The following SPOCK3 variants were observed in gnomAD, a reference collection of about 807,000 sequenced individuals.
SPOCK3 encodes SPARC (osteonectin), cwcv and kazal like domains proteoglycan 3.
A neutral mutation model predicts 56.6 loss-of-function variants in SPOCK3; 30 were observed. The observed-to-expected ratio is 0.53, with a 90% CI of 0.40 to 0.72. The LOEUF is 0.72. Ranked by LOEUF, SPOCK3 falls within the 30% of genes least tolerant of loss-of-function variation. The probability of loss-of-function intolerance (pLI) is 0.00; values close to 1 mark genes in which losing one functional copy is unlikely to be tolerated. For missense variants in SPOCK3, 527 were observed against 530.0 expected (o/e 0.99, Z 0.06); for synonymous variants, 196 against 183.3 (o/e 1.07, Z -0.56).
intron 6 of SPOCK3, among the ~76,000 whole-genome samples, chr4:166,853,767 A>G (rs1015449955): frequency 6.6e-6 from 1 of 152,084 alleles, no homozygotes; most frequent in African/African-American, 2.4e-5. Flanking sequence ...CTGTAATCTC[A>G]GCTACTTGAG....
chr4:166,870,873 C>A (rs1275637295), intron 6 of SPOCK3, among the ~76,000 whole-genome samples: 1 of 151,902 alleles, frequency 6.6e-6, no homozygotes, highest in African/African-American at 2.4e-5. Flanking sequence ...GGGGATGGTA[C>A]CCCCATGCTC....
chr4:167,012,095 T>C (rs558007208), intron 3 of SPOCK3, among the ~76,000 whole-genome samples: 40 of 152,098 alleles, frequency 2.6e-4, no homozygotes, highest in South Asian at 8.3e-4. Context: ...TCTATTCAAA[T>C]TGATTTTTCC....
chr4:166,887,074 T>C (rs1412205399), intron 6 of SPOCK3, among the ~76,000 whole-genome samples: 2 of 152,192 alleles, frequency 1.3e-5, no homozygotes, highest in African/African-American at 4.8e-5. Context: ...AGTTTCTTTC[T>C]TGATATATTA....
chr4:167,205,504 T>A (rs1326892331), intron 2 of SPOCK3, among the ~76,000 whole-genome samples: 12 of 56,336 alleles, frequency 2.1e-4, no homozygotes, highest in South Asian at 8.4e-4. Flanking sequence ...ATAATATATA[T>A]TATATAATAT....
At chr4:167,012,305 T>G (rs1426167168) in intron 3 of SPOCK3, among the ~76,000 whole-genome samples, 3 of 150,722 alleles carry the variant, frequency 2.0e-5, no homozygotes, top group Admixed American at 6.6e-5. Context: ...TCATATGAGC[T>G]GGAAAAAAAA....
At chr4:166,782,956 G>C (rs558888304) in intron 7 of SPOCK3, among the ~76,000 whole-genome samples, 2 of 152,186 alleles carry the variant, frequency 1.3e-5, no homozygotes, top group Non-Finnish European at 2.9e-5. Context: ...GTGTTAAAAG[G>C]TTAAAATAAA....
intron 3 of SPOCK3, among the ~76,000 whole-genome samples, chr4:167,042,564 C>T (rs998173894): frequency 2.6e-5 from 4 of 152,008 alleles, no homozygotes; most frequent in Non-Finnish European, 4.4e-5. Flanking sequence ...GTAGACTGAT[C>T]AGAAAACTCT....
At chr4:166,791,470 A>G (rs1033857863) in intron 7 of SPOCK3, among the ~76,000 whole-genome samples, 2 of 152,162 alleles carry the variant, frequency 1.3e-5, no homozygotes, top group African/African-American at 4.8e-5. Flanking sequence ...ACATGCTTCA[A>G]TCTTTGAAAG....
At chr4:167,006,370 T>C (rs888562400) in intron 3 of SPOCK3, among the ~76,000 whole-genome samples, 2 of 152,102 alleles carry the variant, frequency 1.3e-5, no homozygotes, top group African/African-American at 4.8e-5. Flanking sequence ...GACCTTTATA[T>C]TCTCTATAAC....
At chr4:166,789,795 G>T (rs1316665083) in intron 7 of SPOCK3, among the ~76,000 whole-genome samples, 1 of 152,134 alleles carries the variant, frequency 6.6e-6, no homozygotes. Flanking sequence ...TGCTATTAGG[G>T]ATGCAGGGAA....
chr4:166,971,295 A>G (rs1042017791), intron 4 of SPOCK3, among the ~76,000 whole-genome samples: 2 of 152,142 alleles, frequency 1.3e-5, no homozygotes, highest in South Asian at 2.1e-4. Flanking sequence ...AATGTGTCAC[A>G]TATATTTTTG....
chr4:167,048,771 G>C (rs1228832810), intron 3 of SPOCK3, among the ~76,000 whole-genome samples: 1 of 152,078 alleles, frequency 6.6e-6, no homozygotes, highest in East Asian at 1.9e-4. Flanking sequence ...AGCAGTCATA[G>C]TATATTTATT....
chr4:166,754,832 G>A lies in SPOCK3; in HGVS notation c.710-103C>T, dbSNP rs1345158061. 6 of 974,506 alleles carry A rather than the reference G, an allele frequency of 6.2e-6. No homozygotes were observed. The African/African-American group carries it at 6.5e-5, about 11-fold the overall frequency. The allele number at this position is 974,506 out of a possible 1,614,324, so 60.4% of individuals were successfully genotyped here. A position where few individuals can be genotyped will look rare whatever the true frequency, so the allele number is the denominator to read the frequency against. ...AGGTAGCTAGTGTAGGACATCTAAT[G>A]AATAGTTAGAGAAGTAGAGCATTAA... is the stretch of plus-strand genomic sequence containing the variant. On this transcript the variant is annotated intron_variant, in intron 7 of 10. Coordinates refer to ENST00000357545, the MANE Select transcript of SPOCK3 (RefSeq NM_001040159.2).
At chr4:166,900,586 G>A (rs981953741) in intron 5 of SPOCK3, among the ~76,000 whole-genome samples, 4 of 152,152 alleles carry the variant, frequency 2.6e-5, no homozygotes, top group Non-Finnish European at 5.9e-5. Context: ...TGCCCTGGTC[G>A]CTATGCCCTC....
At chr4:167,173,598 C>T (rs1730692913) in intron 2 of SPOCK3, among the ~76,000 whole-genome samples, 1 of 151,998 alleles carries the variant, frequency 6.6e-6, no homozygotes, top group South Asian at 2.1e-4. Flanking sequence ...AAGAATATTC[C>T]AACTCCTCTC....
At chr4:166,814,585 A>G (rs1744195557) in intron 6 of SPOCK3, among the ~76,000 whole-genome samples, 1 of 152,110 alleles carries the variant, frequency 6.6e-6, no homozygotes, top group African/African-American at 2.4e-5. Flanking sequence ...GACCTTGGAC[A>G]TCAGACTCCA....
intron 6 of SPOCK3, among the ~76,000 whole-genome samples, chr4:166,844,299 G>A (rs989438828): frequency 2.6e-5 from 4 of 152,120 alleles, no homozygotes; most frequent in Non-Finnish European, 4.4e-5. Flanking sequence ...CTACCTTAGA[G>A]TATTTTTGTA....
At chr4:167,156,314 C>T (rs534524341) in intron 2 of SPOCK3, among the ~76,000 whole-genome samples, 81 of 152,210 alleles carry the variant, frequency 5.3e-4, no homozygotes, top group Non-Finnish European at 9.6e-4. Flanking sequence ...TGTTTCATAA[C>T]TCTTTCAACT....
At chr4:166,797,283 C>T (rs530251268) in intron 6 of SPOCK3, among the ~76,000 whole-genome samples, 110 of 119,640 alleles carry the variant, frequency 9.2e-4, no homozygotes, top group African/African-American at 3.1e-3. Flanking sequence ...GTCCTCCAGG[C>T]TGGAGTGCAA....
Sources: gnomAD v4.1 joint callset for allele counts (sites outside exome capture counted in the v4.1 genomes callset) on GRCh38, gnomAD v4.1.1 for gene constraint, MANE v1.5 for transcripts, NCBI Gene and HGNC (gene_info 2026-07-23, HGNC 2026-07-21) for gene names.